Variants in DOK6 observed in about 807,000 individuals in gnomAD.
DOK6 encodes docking protein 6.
Under a neutral mutation model 44.0 loss-of-function variants are expected in DOK6, and 22 were observed. The observed-to-expected ratio is 0.50, with a 90% CI of 0.36 to 0.71. DOK6 has a LOEUF of 0.71. Among genes scored for constraint, DOK6 ranks in the 30% least tolerant of loss-of-function variants. The probability of loss-of-function intolerance (pLI) is 0.00; values close to 1 mark genes in which losing one functional copy is unlikely to be tolerated. For missense variants in DOK6, 340 were observed against 416.4 expected (o/e 0.82, Z 1.60); for synonymous variants, 166 against 145.5 (o/e 1.14, Z -1.01).
At chr18:69,830,536 C>A (rs898290623) in intron 7 of DOK6, among the ~76,000 whole-genome samples, 2 of 152,106 alleles carry the variant, frequency 1.3e-5, no homozygotes, top group South Asian at 2.1e-4. Flanking sequence ...AGAAAGCAAC[C>A]CTGCCAACAC....
rs569181434 is a variant in DOK6 at position 69,600,524 on chromosome 18, T to C, written c.289+1026T>C. The stretch of plus-strand genomic sequence containing the variant: ...ACAGAAGCCTGTTAAATGATATAAA[T>C]TCCCATTTTGTAATACCCCCTGTCC... On this transcript the variant is annotated intron_variant, in intron 3 of 7. Coordinates refer to ENST00000382713, the MANE Select transcript of DOK6 (RefSeq NM_152721.6). Among the ~76,000 whole-genome samples, 39 of 152,282 alleles carry C rather than the reference T, an allele frequency of 2.6e-4. 1 individual carries two copies. In the South Asian group the frequency reaches 7.2e-3, roughly 28 times the overall value.
At chr18:69,514,335 C>G (rs1981456383) in intron 1 of DOK6, among the ~76,000 whole-genome samples, 1 of 152,174 alleles carries the variant, frequency 6.6e-6, no homozygotes, top group East Asian at 1.9e-4. Context: ...CTTTGCCATC[C>G]TCTTGAAAAA....
chr18:69,530,518 C>G (rs1012887447), intron 1 of DOK6, among the ~76,000 whole-genome samples: 5 of 151,522 alleles, frequency 3.3e-5, no homozygotes, highest in African/African-American at 1.2e-4. Flanking sequence ...ATGAGAAGTA[C>G]CAAAGAATAA....
chr18:69,494,888 T>C (rs964928419), intron 1 of DOK6, among the ~76,000 whole-genome samples: 1 of 152,226 alleles, frequency 6.6e-6, no homozygotes, highest in African/African-American at 2.4e-5. Flanking sequence ...GAGTTTTGCT[T>C]GGGCCCAATG....
intron 4 of DOK6, among the ~76,000 whole-genome samples, chr18:69,697,566 G>T (rs906873466): frequency 6.6e-6 from 1 of 151,990 alleles, no homozygotes; most frequent in African/African-American, 2.4e-5. Context: ...TATAGAGTAT[G>T]TTGTAAGGCA....
intron 2 of DOK6, among the ~76,000 whole-genome samples, chr18:69,584,171 T>C (rs1323971198): frequency 6.6e-6 from 1 of 151,842 alleles, no homozygotes; most frequent in Non-Finnish European, 1.5e-5. Context: ...CAAAACACTG[T>C]TAAAACAGTA....
chr18:69,702,811 G>A (rs140274949), intron 5 of DOK6, among the ~76,000 whole-genome samples: 28 of 152,224 alleles, frequency 1.8e-4, no homozygotes, highest in African/African-American at 6.3e-4. Context: ...TTGATTTAAT[G>A]ACTATGAATG....
At chr18:69,815,600 CAAGT>C (rs1169093793) in intron 7 of DOK6, among the ~76,000 whole-genome samples, 1 of 152,036 alleles carries the variant, frequency 6.6e-6, no homozygotes, top group African/African-American at 2.4e-5. Flanking sequence ...AATGAAATGA[CAAGT>C]AAGAGAAAAT....
At chr18:69,504,980 C>T (rs935899974) in intron 1 of DOK6, among the ~76,000 whole-genome samples, 10 of 152,120 alleles carry the variant, frequency 6.6e-5, no homozygotes, top group Non-Finnish European at 1.2e-4. Context: ...TATATAGTTC[C>T]CTCTGCACTT....
chr18:69,539,696 T>G (rs1213784205), intron 1 of DOK6, among the ~76,000 whole-genome samples: 6 of 152,114 alleles, frequency 3.9e-5, no homozygotes, highest in Non-Finnish European at 8.8e-5. Flanking sequence ...ATTTTGCAGG[T>G]TTTGCTATAT....
intron 1 of DOK6, among the ~76,000 whole-genome samples, chr18:69,407,676 T>C (rs1916232253): frequency 6.6e-6 from 1 of 152,214 alleles, no homozygotes; most frequent in Non-Finnish European, 1.5e-5. Flanking sequence ...GTGGATAGAA[T>C]AAGTAATGAT....
intron 3 of DOK6, among the ~76,000 whole-genome samples, chr18:69,664,856 T>C (rs934953749): frequency 6.6e-6 from 1 of 152,148 alleles, no homozygotes; most frequent in Non-Finnish European, 1.5e-5. Context: ...CAAGCATGCT[T>C]CTGCTCACTG....
rs1045340138 is a variant in DOK6 at position 69,791,537 on chromosome 18, C to T, written c.856+33664C>T. ...GAGCAGCTTTTCATACACCTGTTTG[C>T]CATTCGTATGTCTTCTTTCGAGAAA... On this transcript the variant is annotated intron_variant, in intron 7 of 7. Coordinates refer to ENST00000382713, the MANE Select transcript of DOK6 (RefSeq NM_152721.6). 3.9e-5 allele frequency among the ~76,000 whole-genome samples: 6 copies of T among 152,154 alleles called. No individual in the cohort carries two copies. In the South Asian group the frequency reaches 1.0e-3, roughly 26 times the overall value.
At chr18:69,748,998 C>A (rs373872508) in intron 6 of DOK6, among the ~76,000 whole-genome samples, 1 of 152,242 alleles carries the variant, frequency 6.6e-6, no homozygotes, top group Admixed American at 6.5e-5. Context: ...AGATTATGTC[C>A]TTTTCATGGA....
rs541551112 is a variant in DOK6 at position 69,772,916 on chromosome 18, G to A, written c.856+15043G>A. Among the ~76,000 whole-genome samples, 86 of 152,130 alleles carry A rather than the reference G, an allele frequency of 5.7e-4. 1 individual carries two copies. The highest frequency in any genetic ancestry group is 1.9e-3 in the African/African-American group (78 of 41,522). ...GAGGAAGCAGTCAACCTGTGGAATG[G>A]AAGAAAATATTTGCAAACTGTATAT... On this transcript the variant is annotated intron_variant, in intron 7 of 7. Coordinates refer to ENST00000382713, the MANE Select transcript of DOK6 (RefSeq NM_152721.6).
At position 69,785,059 on chromosome 18, in the gene DOK6, G is replaced by A. The variant is rs928028692; in HGVS notation, c.856+27186G>A. Reference sequence around the variant, plus strand: ...TCCTTTTGATGGGATGGCAAATGACGGTCTGTGATGACTTGCTTTTCCCAT... The same window carrying A: ...TCCTTTTGATGGGATGGCAAATGACAGTCTGTGATGACTTGCTTTTCCCAT... On this transcript the variant is annotated intron_variant, in intron 7 of 7. Coordinates refer to ENST00000382713, the MANE Select transcript of DOK6 (RefSeq NM_152721.6). Among the ~76,000 whole-genome samples, 6 of 152,170 alleles carry A rather than the reference G, an allele frequency of 3.9e-5. No individual in the cohort carries two copies. The South Asian group carries it at 8.3e-4, about 21-fold the overall frequency.
chr18:69,803,948 A>C (rs1255230478), intron 7 of DOK6, among the ~76,000 whole-genome samples: 3 of 152,182 alleles, frequency 2.0e-5, no homozygotes, highest in Non-Finnish European at 4.4e-5. Context: ...CTTTGGTTTA[A>C]ATTACCAAAA....
chr18:69,496,064 G>C (rs1980878176), intron 1 of DOK6, among the ~76,000 whole-genome samples: 1 of 152,228 alleles, frequency 6.6e-6, no homozygotes, highest in Non-Finnish European at 1.5e-5. Context: ...CTGCACCCAG[G>C]AATGTGGGTC....
chr18:69,600,696 G>A (rs751453091), intron 3 of DOK6, among the ~76,000 whole-genome samples: 1 of 151,824 alleles, frequency 6.6e-6, no homozygotes, highest in African/African-American at 2.4e-5. Context: ...AAAAGGTAAT[G>A]TTTAATATTT....
Sources: gnomAD v4.1 joint callset for allele counts (sites outside exome capture counted in the v4.1 genomes callset) on GRCh38, gnomAD v4.1.1 for gene constraint, MANE v1.5 for transcripts, NCBI Gene and HGNC (gene_info 2026-07-23, HGNC 2026-07-21) for gene names.